The following PPM1G variants were observed in gnomAD, a reference collection of about 807,000 sequenced individuals.
PPM1G encodes protein phosphatase, Mg2+/Mn2+ dependent 1G.
In PPM1G, 12 loss-of-function variants were observed where a neutral mutation model predicts 59.4. That is an observed-to-expected ratio of 0.20 (90% CI 0.13 to 0.33). The LOEUF (loss-of-function observed/expected upper bound fraction) is 0.33. Ranked by LOEUF, PPM1G falls within the 10% of genes least tolerant of loss-of-function variation. The pLI is 1.00. For synonymous variants in PPM1G, 245 were observed against 251.9 expected, an observed-to-expected ratio of 0.97 and a Z score of 0.26; for missense variants, 392 against 681.3, an observed-to-expected ratio of 0.58 and a Z score of 4.73.
intron 2 of PPM1G, 27 bp downstream of exon 2, chr2:27,387,062 G>A (rs780683390): frequency 6.4e-7 from 1 of 1,566,958 alleles, no homozygotes; most frequent in Admixed American, 1.7e-5. Flanking sequence ...GTCCTAGAAT[G>A]TTACCAATAT....
chr2:27,406,421 C>A (rs1382716657), intron 1 of PPM1G, among the ~76,000 whole-genome samples: 1 of 152,004 alleles, frequency 6.6e-6, no homozygotes, highest in African/African-American at 2.4e-5. Context: ...GAATAGGATC[C>A]CAAACAATAC....
rs768081772 is a variant in PPM1G, at chr2:27,381,701, G to A, written c.1539C>T (p.Leu513=). 10 of 1,613,908 alleles carry A rather than the reference G, an allele frequency of 6.2e-6. No homozygotes were observed. The highest frequency in any genetic ancestry group is 1.6e-4 in the Middle Eastern group (1 of 6,070). ...GTTTTCGCTTGCCACTCTCTGGCTGGAGCTCTGCTGTGTTTCGGGGCTTGA... is the reference window on the plus strand; with the variant it reads ...GTTTTCGCTTGCCACTCTCTGGCTGAAGCTCTGCTGTGTTTCGGGGCTTGA... ...ICFKPRNTAE[L]QPESGKRKLE... The change falls in exon 10 of 10, where the codon CTC becomes CTT. Residue 513 remains leucine (L), a synonymous_variant. Coordinates refer to ENST00000344034, the MANE Select transcript of PPM1G (RefSeq NM_177983.3).
Position 27,385,163 on chromosome 2 carries a change from GC to G in PPM1G, c.410-76del. The G allele has an allele frequency of 6.8e-7, 1 of 1,475,176 alleles. No individual in the cohort carries two copies. Among genetic ancestry groups the G allele is most frequent in the South Asian group, 1.4e-5 (1 of 73,120 alleles). The allele number at this position is 1,475,176 out of a possible 1,614,324, so 91.4% of individuals were successfully genotyped here. On this transcript the variant is annotated intron_variant, in intron 4 of 9. Transcript: ENST00000344034. The surrounding 1 kb of genome is among the most constrained non-coding windows in gnomAD (Gnocchi z 4.1). ...ATCCGTCCCTCTCACTACCTCAACA[GC>G]CCTTGCAGCCTCTAACTTCCCCACA...
chr2:27,387,391 C>T (rs1045404181), intron 1 of PPM1G, among the ~76,000 whole-genome samples: 1 of 152,164 alleles, frequency 6.6e-6, no homozygotes, highest in Non-Finnish European at 1.5e-5. Context: ...TCTATAATAA[C>T]CTCAACCTAG....
rs113352358 is a variant in PPM1G, at chr2:27,402,535, G to A, written c.120+6768C>T. Among the ~76,000 whole-genome samples, 581 of 152,172 alleles carry A rather than the reference G, an allele frequency of 3.8e-3. 6 individuals carry two copies. Among genetic ancestry groups the A allele is most frequent in the African/African-American group, 0.013 (549 of 41,506 alleles). ...ATAAAATAATTTCTAGACCAGGCATGGTGGCTCACACCTGTAATCCCAGCA... is the reference window on the plus strand; with the variant it reads ...ATAAAATAATTTCTAGACCAGGCATAGTGGCTCACACCTGTAATCCCAGCA... On this transcript the variant is annotated intron_variant, in intron 1 of 9. Coordinates refer to ENST00000344034, the MANE Select transcript of PPM1G (RefSeq NM_177983.3).
In PPM1G at chr2:27,384,663, A is replaced by G. The variant is rs2148418239; in HGVS notation, c.825+10T>C. 1 of 1,589,614 alleles carries G rather than the reference A, an allele frequency of 6.3e-7. No homozygotes were observed. Among genetic ancestry groups the G allele is most frequent in the Non-Finnish European group, 8.6e-7 (1 of 1,163,396 alleles). On this transcript the variant is annotated intron_variant, in intron 5 of 9. Transcript: ENST00000344034. The surrounding 1 kb of genome is among the most constrained non-coding windows in gnomAD (Gnocchi z 4.8). ...AACTTCAGCATCTGCCTGCCCTCACAGGCCCTTACCTCACTGTCTTCCTCT... is the reference window on the plus strand; with the variant it reads ...AACTTCAGCATCTGCCTGCCCTCACGGGCCCTTACCTCACTGTCTTCCTCT...
rs1683753985 is a variant in PPM1G at position 27,385,967 on chromosome 2, G to C, written c.277-88C>G. The C allele has an allele frequency of 2.0e-6, 3 of 1,467,296 alleles. No individual in the cohort carries two copies. Among genetic ancestry groups the C allele is most frequent in the African/African-American group, 2.8e-5 (2 of 70,652 alleles). 90.9% of individuals were successfully genotyped at this position (1,467,296 alleles called of 1,614,324 possible). ...CACAAGGATGGAATACAAATTAAGA[G>C]TGTGAGCCACCACACTAAGAGACAC... is the stretch of plus-strand genomic sequence containing the variant. On this transcript the variant is annotated intron_variant, in intron 3 of 9. Transcript: ENST00000344034. This position sits in a 1 kb window ranked among gnomAD's most constrained non-coding sequence, Gnocchi z 4.1.
intron 1 of PPM1G, among the ~76,000 whole-genome samples, chr2:27,405,643 C>T (rs917265501): frequency 2.0e-5 from 3 of 151,942 alleles, no homozygotes; most frequent in Admixed American, 2.0e-4. Context: ...ATCTGCCCCC[C>T]TCGGCCTCCC....
Position 27,385,182 on chromosome 2 carries a change from T to TC in PPM1G, c.410-95dup. ...TCAACAGCCCTTGCAGCCTCTAACT[T>TC]CCCCACAACCTCCCACTCCCAAGGT... On this transcript the variant is annotated intron_variant, in intron 4 of 9. Coordinates refer to ENST00000344034, the MANE Select transcript of PPM1G (RefSeq NM_177983.3). The surrounding 1 kb of genome is among the most constrained non-coding windows in gnomAD (Gnocchi z 4.1). 1 of 1,391,086 alleles carries TC rather than the reference T, an allele frequency of 7.2e-7. No individual in the cohort carries two copies. Among genetic ancestry groups the TC allele is most frequent in the Non-Finnish European group, 9.6e-7 (1 of 1,041,620 alleles). 86.2% of individuals were successfully genotyped at this position (1,391,086 alleles called of 1,614,324 possible).
rs1352710380 is a variant in PPM1G, at chr2:27,381,684, T to C, written c.1556A>G (p.Lys519Arg). Residue 519 changes from lysine (K) to arginine (R), a missense_variant, in exon 10 of 10, where the codon AAG becomes AGG. Transcript: ENST00000344034. ...NTAELQPESG[K>R]RKLEEVLSTE... ...AGAGAGCACCTCCTCTAGTTTTCGC[T>C]TGCCACTCTCTGGCTGGAGCTCTGC... 1.2e-6 allele frequency: 2 copies of C among 1,614,052 alleles called. No individual in the cohort carries two copies. The highest frequency in any genetic ancestry group is 1.7e-6 in the Non-Finnish European group (2 of 1,180,020).
chr2:27,385,924 C>A lies in PPM1G; in HGVS notation c.277-45G>T. On this transcript the variant is annotated intron_variant, in intron 3 of 9. Transcript: ENST00000344034. The surrounding 1 kb of genome is among the most constrained non-coding windows in gnomAD (Gnocchi z 4.1). ...TCTAAGACTAGTACAAAATGAACTC[C>A]CTATATACAATCCTGAGCACAAGGA... 1 of 1,582,790 alleles carries A rather than the reference C, an allele frequency of 6.3e-7. No individual in the cohort carries two copies. Among genetic ancestry groups the A allele is most frequent in the Non-Finnish European group, 8.6e-7 (1 of 1,166,370 alleles).
At chr2:27,397,379 G>A (rs1684076683) in intron 1 of PPM1G, among the ~76,000 whole-genome samples, 1 of 151,998 alleles carries the variant, frequency 6.6e-6, no homozygotes, top group Admixed American at 6.6e-5. Context: ...ACCAGACAAA[G>A]ACATCACAAG....
rs1683705556 is a variant in PPM1G at position 27,384,096 on chromosome 2, C to T, written c.826-4G>A. ...CATCCTCTTCCTCGCTGCATTCCTG[C>T]CAGGGGGAGGATCCCAGACTGCTGA... On this transcript the variant is annotated splice_polypyrimidine_tract_variant and splice_region_variant and intron_variant, in intron 5 of 9. Transcript: ENST00000344034. The surrounding 1 kb of genome is among the most constrained non-coding windows in gnomAD (Gnocchi z 4.8). 6.2e-7 allele frequency: 1 copy of T among 1,613,872 alleles called. No individual in the cohort carries two copies. Among genetic ancestry groups the T allele is most frequent in the Non-Finnish European group, 8.5e-7 (1 of 1,179,954 alleles).
chr2:27,386,978 GATA>G, intron 2 of PPM1G, 108 bp downstream of exon 2: 2 of 797,480 alleles, frequency 2.5e-6, no homozygotes, highest in South Asian at 1.6e-5. Flanking sequence ...CGCAGGAAAT[GATA>G]ATGAGGGCCA....
chr2:27,391,075 T>C lies in PPM1G; in HGVS notation c.121-3917A>G, dbSNP rs895260764. Among the ~76,000 whole-genome samples, 25 of 152,244 alleles carry C rather than the reference T, an allele frequency of 1.6e-4. 1 individual carries two copies. Among genetic ancestry groups the C allele is most frequent in the Admixed American group, 4.6e-4 (7 of 15,286 alleles). ...ATGTACCATATTTTCTTTTCTTTTC[T>C]AGTCCGCCACTGATGGGCACATGAG... On this transcript the variant is annotated intron_variant, in intron 1 of 9. Coordinates refer to ENST00000344034, the MANE Select transcript of PPM1G (RefSeq NM_177983.3).
chr2:27,409,235 C>A, intron 1 of PPM1G, 68 bp downstream of exon 1: 1 of 1,503,244 alleles, frequency 6.7e-7, no homozygotes, highest in Non-Finnish European at 8.9e-7. Context: ...AGGACCCCAT[C>A]CCCCGCTCTC....
rs554030067 is a variant in PPM1G, at chr2:27,385,166, C to T, written c.410-78G>A. On this transcript the variant is annotated intron_variant, in intron 4 of 9. Coordinates refer to ENST00000344034, the MANE Select transcript of PPM1G (RefSeq NM_177983.3). The surrounding 1 kb of genome is among the most constrained non-coding windows in gnomAD (Gnocchi z 4.1). The stretch of plus-strand genomic sequence containing the variant: ...CGTCCCTCTCACTACCTCAACAGCC[C>T]TTGCAGCCTCTAACTTCCCCACAAC... 5 of 1,471,788 alleles carry T rather than the reference C, an allele frequency of 3.4e-6. No homozygotes were observed. The African/African-American group carries it at 7.0e-5, about 21-fold the overall frequency. 91.2% of individuals were successfully genotyped at this position (1,471,788 alleles called of 1,614,324 possible). A position where few individuals can be genotyped will look rare whatever the true frequency, so the allele number is the denominator to read the frequency against.
chr2:27,393,014 C>A (rs1250372577), intron 1 of PPM1G: 2 of 1,488,682 alleles, frequency 1.3e-6, no homozygotes, highest in Non-Finnish European at 1.9e-6. Flanking sequence ...ACATTTTTTT[C>A]CAAATGTAAT....
At position 27,388,087 on chromosome 2, in the gene PPM1G, C is replaced by T. The variant is rs542092630; in HGVS notation, c.121-929G>A. ...TGCTGGGATTACATAAGTGAGCCACCGCGCCCGGCCTACAGCATTATTTAT... is the reference window on the plus strand; with the variant it reads ...TGCTGGGATTACATAAGTGAGCCACTGCGCCCGGCCTACAGCATTATTTAT... On this transcript the variant is annotated intron_variant, in intron 1 of 9. Coordinates refer to ENST00000344034, the MANE Select transcript of PPM1G (RefSeq NM_177983.3). 2.4e-3 allele frequency among the ~76,000 whole-genome samples: 367 copies of T among 151,956 alleles called. 1 individual carries two copies. Among genetic ancestry groups the T allele is most frequent in the African/African-American group, 8.3e-3 (345 of 41,506 alleles).
Sources: allele counts gnomAD v4.1 joint callset (sites outside exome capture counted in the v4.1 genomes callset), GRCh38; gene constraint gnomAD v4.1.1; non-coding constraint Gnocchi (gnomAD v3.1); transcripts MANE v1.5; gene names NCBI Gene and HGNC (gene_info 2026-07-23, HGNC 2026-07-21).